Variants in ERGIC2 observed in about 807,000 individuals in gnomAD.
ERGIC2 encodes endoplasmic reticulum-Golgi intermediate compartment protein 2.
Under a neutral mutation model 52.5 loss-of-function variants are expected in ERGIC2, and 31 were observed. That is an observed-to-expected ratio of 0.59 (90% CI 0.44 to 0.80). ERGIC2 has a LOEUF of 0.80. ERGIC2 is among the 30% of genes least tolerant of loss of function. The probability of loss-of-function intolerance (pLI) is 0.00; values close to 1 mark genes in which losing one functional copy is unlikely to be tolerated. For synonymous variants in ERGIC2, 129 were observed against 140.6 expected (o/e 0.92, Z 0.58); for missense variants, 395 against 455.2 (o/e 0.87, Z 1.20).
chr12:29,342,230 C>G (rs1949845123), intron 12 of ERGIC2, among the ~76,000 whole-genome samples: 1 of 152,210 alleles, frequency 6.6e-6, no homozygotes, highest in Non-Finnish European at 1.5e-5. Context: ...CCAGGCTGAT[C>G]TGGAACTTCT....
At chr12:29,347,000 G>C (rs1373470874) in intron 10 of ERGIC2, among the ~76,000 whole-genome samples, 2 of 152,160 alleles carry the variant, frequency 1.3e-5, no homozygotes, top group Non-Finnish European at 2.9e-5. Flanking sequence ...GTGGCAGAGT[G>C]AGAACTTGAA....
At chr12:29,356,282 C>T in intron 8 of ERGIC2, 100 bp downstream of exon 8, 1 of 688,802 alleles carries the variant, frequency 1.5e-6, no homozygotes, top group Non-Finnish European at 2.6e-6. Context: ...CTCAGCCTCC[C>T]AAAGTGCTGG....
chr12:29,350,605 G>C (rs1182473796), intron 8 of ERGIC2, among the ~76,000 whole-genome samples: 1 of 151,974 alleles, frequency 6.6e-6, no homozygotes, highest in Non-Finnish European at 1.5e-5. Context: ...TAGAATTCCA[G>C]TAGATTATTC....
In ERGIC2 at chr12:29,341,083, T is replaced by C; in HGVS notation, c.*73A>G. 1 of 965,862 alleles carries C rather than the reference T, an allele frequency of 1.0e-6. No individual in the cohort carries two copies. The allele number at this position is 965,862 out of a possible 1,614,324, so 59.8% of individuals were successfully genotyped here. The stretch of plus-strand genomic sequence containing the variant: ...TGTGTTTTCTTTTCTTTGAATATAT[T>C]GCACAATATTTTATTATTAAAAAAA... On this transcript the variant is annotated 3_prime_UTR_variant, in exon 14 of 14. Transcript: ENST00000360150.
At chr12:29,356,537 G>A in intron 7 of ERGIC2, 60 bp from the exon 8 acceptor site, 3 of 854,450 alleles carry the variant, frequency 3.5e-6, no homozygotes, top group African/African-American at 1.7e-5. Context: ...TTTATGATGA[G>A]AAAAATGTGT....
chr12:29,368,350 A>C, intron 3 of ERGIC2, 63 bp from the exon 4 acceptor site: 1 of 854,996 alleles, frequency 1.2e-6, no homozygotes, highest in Non-Finnish European at 1.9e-6. Flanking sequence ...GAGAAATATA[A>C]ATCAACTGAC....
intron 8 of ERGIC2, among the ~76,000 whole-genome samples, chr12:29,354,917 G>C (rs1362679143): frequency 6.6e-6 from 1 of 152,174 alleles, no homozygotes; most frequent in Non-Finnish European, 1.5e-5. Context: ...CCCAGCAACA[G>C]GTTGGGTTGG....
At chr12:29,348,956 T>C in intron 10 of ERGIC2, 123 bp downstream of exon 10, 1 of 539,000 alleles carries the variant, frequency 1.9e-6, no homozygotes, top group Admixed American at 4.1e-5. Context: ...TACATCTCAA[T>C]CACCAACCAC....
At chr12:29,347,872 C>A (rs551206542) in intron 10 of ERGIC2, among the ~76,000 whole-genome samples, 1 of 152,244 alleles carries the variant, frequency 6.6e-6, no homozygotes, top group African/African-American at 2.4e-5. Context: ...CTCTTAGTTT[C>A]TCTGAATTTA....
intron 1 of ERGIC2, chr12:29,380,558 A>C (rs1232560415): frequency 2.6e-5 from 4 of 152,308 alleles, no homozygotes; most frequent in African/African-American, 9.7e-5. Flanking sequence ...GCCGAGGAAA[A>C]GTAGTGACAG....
chr12:29,349,272 T>C lies in ERGIC2; in HGVS notation c.629-95A>G, dbSNP rs1189375812. 8.0e-6 allele frequency: 4 copies of C among 498,466 alleles called. No homozygotes were observed. The East Asian group carries it at 1.0e-4, about 13-fold the overall frequency. 30.9% of individuals were successfully genotyped at this position (498,466 alleles called of 1,614,324 possible). The stretch of plus-strand genomic sequence containing the variant: ...GTTTACATCCTTATCTATTCTCAAA[T>C]GAAAATGTTTAAAATCTTCAAGGAT... On this transcript the variant is annotated intron_variant, in intron 9 of 13. Transcript: ENST00000360150.
At chr12:29,365,751 T>C (rs1022185438) in intron 5 of ERGIC2, among the ~76,000 whole-genome samples, 1 of 151,410 alleles carries the variant, frequency 6.6e-6, no homozygotes, top group African/African-American at 2.4e-5. Context: ...TTAAAATATC[T>C]AATAATAATC....
In ERGIC2 at chr12:29,366,860, A is replaced by G. The variant is rs1213204856; in HGVS notation, c.333+17T>C. On this transcript the variant is annotated intron_variant, in intron 5 of 13. Coordinates refer to ENST00000360150, the MANE Select transcript of ERGIC2 (RefSeq NM_016570.3). ...CTCAACCCGTGTATTTCAAAAAACC[A>G]TGTGAATCAAACTTACTGGTTCATA... is the stretch of plus-strand genomic sequence containing the variant. 2 of 1,557,618 alleles carry G rather than the reference A, an allele frequency of 1.3e-6. No homozygotes were observed. Among genetic ancestry groups the G allele is most frequent in the Admixed American group, 1.7e-5 (1 of 57,404 alleles).
chr12:29,338,489 A>G lies in ERGIC2; in HGVS notation c.*2667T>C, dbSNP rs998626677. ...GCAAGATACTAACTATATAAATGAA[A>G]AAGAATTAGCCAGGTTTGTTGGTGC... On this transcript the variant is annotated 3_prime_UTR_variant, in exon 14 of 14. Transcript: ENST00000360150. The G allele has an allele frequency of 6.6e-6, 1 of 152,086 alleles. No individual in the cohort carries two copies. Among genetic ancestry groups the G allele is most frequent in the African/African-American group, 2.4e-5 (1 of 41,406 alleles). The allele number at this position is 152,086 out of a possible 1,614,324, so 9.4% of individuals were successfully genotyped here.
chr12:29,357,153 A>G (rs894084805), intron 7 of ERGIC2, among the ~76,000 whole-genome samples: 1 of 152,040 alleles, frequency 6.6e-6, no homozygotes, highest in South Asian at 2.1e-4. Flanking sequence ...TATTTTTCGT[A>G]GGGACGGAGT....
In ERGIC2 at chr12:29,343,302, A is replaced by G. The variant is rs781031923; in HGVS notation, c.826-20T>C. 7 of 1,560,388 alleles carry G rather than the reference A, an allele frequency of 4.5e-6. No homozygotes were observed. The highest frequency in any genetic ancestry group is 6.1e-6 in the Non-Finnish European group (7 of 1,148,264). ...ACGTTCCTAAAAGGGAGGCAAAAGG[A>G]AGGGGAGAAATAGGAGGAAGAGAGA... is the stretch of plus-strand genomic sequence containing the variant. On this transcript the variant is annotated intron_variant, in intron 11 of 13. Transcript: ENST00000360150.
intron 8 of ERGIC2, among the ~76,000 whole-genome samples, chr12:29,354,680 TC>T (rs1225451070): frequency 1.3e-5 from 2 of 152,194 alleles, no homozygotes; most frequent in South Asian, 2.1e-4. Flanking sequence ...CAAATGCTTT[TC>T]TATTTGGCCT....
At chr12:29,373,176 G>A (rs1345503370) in intron 1 of ERGIC2, among the ~76,000 whole-genome samples, 1 of 151,988 alleles carries the variant, frequency 6.6e-6, no homozygotes, top group African/African-American at 2.4e-5. Context: ...GATTTCCCAT[G>A]TTATCTATTT....
chr12:29,371,361 T>C (rs886984315), intron 2 of ERGIC2, among the ~76,000 whole-genome samples, 167 bp downstream of exon 2: 4 of 152,186 alleles, frequency 2.6e-5, no homozygotes, highest in African/African-American at 4.8e-5. Context: ...ATAGAGAATA[T>C]TAATAAGAAT....
Sources: gnomAD v4.1 joint callset for allele counts (sites outside exome capture counted in the v4.1 genomes callset) on GRCh38, gnomAD v4.1.1 for gene constraint, MANE v1.5 for transcripts, NCBI Gene and HGNC (gene_info 2026-07-23, HGNC 2026-07-21) for gene names.